CEMIP: variants seen among roughly 807,000 people sequenced by gnomAD.
The protein encoded by CEMIP is cell migration-inducing and hyaluronan-binding protein.
Under a neutral mutation model 156.9 loss-of-function variants are expected in CEMIP, and 105 were observed. The ratio of observed to expected loss-of-function variants is 0.67; its 90% confidence interval spans 0.57 to 0.79. The LOEUF is 0.79. Ranked by LOEUF, CEMIP falls within the 30% of genes least tolerant of loss-of-function variation. The pLI, the probability that CEMIP is intolerant of heterozygous loss-of-function variation, is 0.00. For synonymous variants in CEMIP, 676 were observed against 668.4 expected, an observed-to-expected ratio of 1.01 and a Z score of -0.17; for missense variants, 1,457 against 1,769.4, an observed-to-expected ratio of 0.82 and a Z score of 3.17.
At chr15:80,905,087 T>TC (rs1899740086) in intron 12 of CEMIP, among the ~76,000 whole-genome samples, 1 of 152,176 alleles carries the variant, frequency 6.6e-6, no homozygotes, top group African/African-American at 2.4e-5. Context: ...AGTCAGCTCT[T>TC]CCTGTGGAGG....
At chr15:80,847,645 G>A (rs1897596496) in intron 1 of CEMIP, among the ~76,000 whole-genome samples, 1 of 152,176 alleles carries the variant, frequency 6.6e-6, no homozygotes, top group African/African-American at 2.4e-5. Context: ...CTGTGTGATG[G>A]TCCTAGTCAC....
At chr15:80,798,164 A>G (rs1400360348) in intron 1 of CEMIP, among the ~76,000 whole-genome samples, 3 of 152,246 alleles carry the variant, frequency 2.0e-5, no homozygotes, top group Non-Finnish European at 4.4e-5. Context: ...AGAAAAACCC[A>G]TAATCCTACT....
intron 1 of CEMIP, among the ~76,000 whole-genome samples, chr15:80,791,668 G>A (rs1351417647): frequency 6.6e-6 from 1 of 152,206 alleles, no homozygotes; most frequent in Non-Finnish European, 1.5e-5. Context: ...GCTGTATGCA[G>A]TCTCAGGGCT....
chr15:80,884,516 G>T (rs565871862), intron 7 of CEMIP, among the ~76,000 whole-genome samples, 162 bp downstream of exon 7: 1 of 152,250 alleles, frequency 6.6e-6, no homozygotes, highest in African/African-American at 2.4e-5. Flanking sequence ...TGGCATATTT[G>T]GGAATTGTTC....
intron 1 of CEMIP, among the ~76,000 whole-genome samples, chr15:80,869,661 G>T (rs1898224582): frequency 6.6e-6 from 1 of 152,032 alleles, no homozygotes; most frequent in South Asian, 2.1e-4. Flanking sequence ...CTTTCCTCTT[G>T]CCAGTAAGAT....
At chr15:80,877,876 G>A (rs1038953425) in intron 3 of CEMIP, among the ~76,000 whole-genome samples, 4 of 152,228 alleles carry the variant, frequency 2.6e-5, no homozygotes, top group Non-Finnish European at 5.9e-5. Flanking sequence ...GATGCCATCA[G>A]AGCAGCATCA....
At chr15:80,851,236 G>A (rs930366722) in intron 1 of CEMIP, among the ~76,000 whole-genome samples, 3 of 152,216 alleles carry the variant, frequency 2.0e-5, no homozygotes, top group Admixed American at 2.0e-4. Flanking sequence ...AGCAGGGCCA[G>A]GGAGCAAACA....
chr15:80,919,979 G>A, intron 14 of CEMIP, 115 bp from the exon 15 acceptor site: 1 of 948,262 alleles, frequency 1.1e-6, no homozygotes, highest in Non-Finnish European at 1.7e-6. Flanking sequence ...AGACTATTTA[G>A]TGTTTGCTGA....
intron 3 of CEMIP, among the ~76,000 whole-genome samples, chr15:80,874,497 C>T (rs569883707): frequency 7.9e-5 from 12 of 152,102 alleles, no homozygotes; most frequent in Admixed American, 2.0e-4. Flanking sequence ...CAAAAAAACA[C>T]GTATCTGAGA....
intron 14 of CEMIP, among the ~76,000 whole-genome samples, chr15:80,916,166 C>T (rs552743177): frequency 3.3e-5 from 5 of 152,304 alleles, no homozygotes; most frequent in African/African-American, 4.8e-5. Flanking sequence ...CCATTTTAGA[C>T]GTGTTGTCCC....
chr15:80,787,706 G>A (rs962585894), intron 1 of CEMIP, among the ~76,000 whole-genome samples: 2 of 152,212 alleles, frequency 1.3e-5, no homozygotes, highest in Admixed American at 6.5e-5. Flanking sequence ...AGCCACAGAT[G>A]CCGGTTTCTA....
chr15:80,808,241 G>T (rs1005194683), intron 1 of CEMIP, among the ~76,000 whole-genome samples: 4 of 152,194 alleles, frequency 2.6e-5, no homozygotes, highest in African/African-American at 9.7e-5. Context: ...GTGGTGCATA[G>T]ACGCTGACTG....
chr15:80,860,832 C>T (rs1897966740), intron 1 of CEMIP, among the ~76,000 whole-genome samples: 1 of 152,134 alleles, frequency 6.6e-6, no homozygotes, highest in Non-Finnish European at 1.5e-5. Flanking sequence ...CACACAGCTC[C>T]AGCCCCTGCC....
At chr15:80,898,916 A>G (rs1899343139) in intron 12 of CEMIP, among the ~76,000 whole-genome samples, 1 of 152,180 alleles carries the variant, frequency 6.6e-6, no homozygotes, top group Non-Finnish European at 1.5e-5. Context: ...TCAACAAGCC[A>G]TTAGAAAGCA....
chr15:80,866,920 G>A (rs912179624), intron 1 of CEMIP, among the ~76,000 whole-genome samples: 18 of 151,812 alleles, frequency 1.2e-4, no homozygotes, highest in Non-Finnish European at 8.8e-5. Flanking sequence ...CCCCTCTCTC[G>A]CCTTTCCTCC....
At chr15:80,888,614 G>C in intron 8 of CEMIP, 87 bp from the exon 9 acceptor site, 1 of 996,668 alleles carries the variant, frequency 1.0e-6, no homozygotes, top group South Asian at 1.3e-5. Context: ...ATGCCCATGT[G>C]CGTAGGGGGG....
chr15:80,919,416 G>A (rs1208240135), intron 14 of CEMIP, among the ~76,000 whole-genome samples: 3 of 152,172 alleles, frequency 2.0e-5, no homozygotes, highest in African/African-American at 7.2e-5. Context: ...CCAGCCCATG[G>A]CCTCCTCTTG....
intron 6 of CEMIP, among the ~76,000 whole-genome samples, chr15:80,882,098 G>A (rs1043959124): frequency 9.9e-5 from 15 of 152,154 alleles, no homozygotes; most frequent in African/African-American, 3.1e-4. Flanking sequence ...AACAGGGCCC[G>A]AGCTGTGGGT....
chr15:80,834,240 A>G (rs1897221210), intron 1 of CEMIP, among the ~76,000 whole-genome samples: 1 of 152,230 alleles, frequency 6.6e-6, no homozygotes, highest in Non-Finnish European at 1.5e-5. Context: ...TTTTGCAAAT[A>G]TCTCCTCCCA....
Sources: gnomAD v4.1 joint callset for allele counts (sites outside exome capture counted in the v4.1 genomes callset) on GRCh38, gnomAD v4.1.1 for gene constraint, MANE v1.5 for transcripts, NCBI Gene and HGNC (gene_info 2026-07-23, HGNC 2026-07-21) for gene names.